Variants in STARD9 observed in about 807,000 individuals in gnomAD.
STARD9 encodes the protein StAR related lipid transfer domain containing 9.
Under a neutral mutation model 399.8 loss-of-function variants are expected in STARD9, and 346 were observed. The observed-to-expected ratio is 0.87, with a 90% confidence interval of 0.79 to 0.95. The LOEUF is 0.95. Among genes scored for constraint, STARD9 ranks in the 40% least tolerant of loss-of-function variants. The probability of loss-of-function intolerance (pLI) is 0.00; values close to 1 mark genes in which losing one functional copy is unlikely to be tolerated. For missense variants in STARD9, 5,832 were observed against 5,667.5 expected, an observed-to-expected ratio of 1.03 and a Z score of -0.93; for synonymous variants, 2,203 against 2,143.5, an observed-to-expected ratio of 1.03 and a Z score of -0.77.
chr15:42,671,176 A>G (rs1357836757), intron 16 of STARD9: 1 of 121,132 alleles, frequency 8.3e-6, no homozygotes, highest in African/African-American at 3.5e-5. Context: ...TGTGTCACCC[A>G]GGCTGGAGTG....
At chr15:42,575,964 C>T (rs980993614) in intron 1 of STARD9, among the ~76,000 whole-genome samples, 2 of 150,630 alleles carry the variant, frequency 1.3e-5, no homozygotes, top group Non-Finnish European at 2.9e-5. Flanking sequence ...TAGCGGTTCC[C>T]GGACGGCCGC....
intron 6 of STARD9, 107 bp from the exon 7 acceptor site, chr15:42,638,593 C>G (rs1048429161): frequency 2.9e-6 from 2 of 688,798 alleles, no homozygotes; most frequent in Non-Finnish European, 4.8e-6. Flanking sequence ...CTTAGAGTGT[C>G]AGAAGTGGAG....
Position 42,703,530 on chromosome 15 carries a change from AT to A in STARD9, c.13284+7666del, listed in dbSNP as rs35809542. On this transcript the variant is annotated intron_variant, in intron 26 of 32. Coordinates refer to ENST00000290607, the MANE Select transcript of STARD9 (RefSeq NM_020759.3). ...AGGCGCCAGCCACCATGCCTGGCTG[AT>A]TTTTTTTTTTTTTTTGTATTTTTAG... 7.2e-3 allele frequency among the ~76,000 whole-genome samples: 975 copies of A among 135,088 alleles called. 13 individuals are homozygous for A. The East Asian group carries it at 0.081, about 11-fold the overall frequency. 88.6% of individuals were successfully genotyped at this position (135,088 alleles called of 152,430 possible).
intron 3 of STARD9, among the ~76,000 whole-genome samples, chr15:42,608,397 A>G (rs2058780327): frequency 6.6e-6 from 1 of 152,134 alleles, no homozygotes; most frequent in East Asian, 1.9e-4. Flanking sequence ...TATGGGCTTC[A>G]CCTGGGCTGG....
intron 26 of STARD9, among the ~76,000 whole-genome samples, chr15:42,700,724 G>A (rs2060947609): frequency 6.6e-6 from 1 of 152,054 alleles, no homozygotes; most frequent in African/African-American, 2.4e-5. Flanking sequence ...ATTCTGTGGG[G>A]TGTCTCTTCA....
intron 26 of STARD9, among the ~76,000 whole-genome samples, chr15:42,712,846 T>G (rs2061274560): frequency 6.6e-6 from 1 of 152,178 alleles, no homozygotes; most frequent in African/African-American, 2.4e-5. Flanking sequence ...ACTGTCTTCT[T>G]TACTGTAGTT....
At chr15:42,643,515 A>G (rs2059582631) in intron 7 of STARD9, among the ~76,000 whole-genome samples, 1 of 151,852 alleles carries the variant, frequency 6.6e-6, no homozygotes, top group African/African-American at 2.4e-5. Flanking sequence ...TTTTAAAAAA[A>G]AACAGAGTCT....
At chr15:42,626,494 C>T (rs1310698409) in intron 3 of STARD9, among the ~76,000 whole-genome samples, 1 of 149,758 alleles carries the variant, frequency 6.7e-6, no homozygotes, top group Non-Finnish European at 1.5e-5. Context: ...TCCTCTTCCT[C>T]TTCTTTTTTT....
chr15:42,717,076 C>A, intron 28 of STARD9, 28 bp downstream of exon 28: 1 of 1,536,744 alleles, frequency 6.5e-7, no homozygotes, highest in Non-Finnish European at 8.7e-7. Flanking sequence ...CCCATCCCTA[C>A]CATTCCTTTA....
At chr15:42,638,346 G>C (rs1265999468) in intron 6 of STARD9, among the ~76,000 whole-genome samples, 1 of 152,108 alleles carries the variant, frequency 6.6e-6, no homozygotes, top group East Asian at 1.9e-4. Flanking sequence ...TAGCCCTTGA[G>C]ATGCCTTCAC....
chr15:42,593,643 T>C (rs1239724711), intron 3 of STARD9, among the ~76,000 whole-genome samples: 1 of 147,158 alleles, frequency 6.8e-6, no homozygotes, highest in Admixed American at 6.9e-5. Flanking sequence ...AGTAGTAATA[T>C]GGTTGTGCTT....
At chr15:42,614,694 C>T (rs1288011325) in intron 3 of STARD9, among the ~76,000 whole-genome samples, 6 of 152,128 alleles carry the variant, frequency 3.9e-5, no homozygotes, top group Non-Finnish European at 8.8e-5. Flanking sequence ...AGGCTGGGCA[C>T]GGTGGCTCAC....
intron 26 of STARD9, among the ~76,000 whole-genome samples, chr15:42,699,000 C>G (rs966752360): frequency 7.4e-6 from 1 of 135,922 alleles, no homozygotes; most frequent in African/African-American, 2.8e-5. Flanking sequence ...CTGAGTTTAC[C>G]AGAGTATTCT....
Position 42,691,222 on chromosome 15 carries a change from A to G in STARD9, c.9644A>G (p.His3215Arg), listed in dbSNP as rs1161323676. 6 of 1,537,144 alleles carry G rather than the reference A, an allele frequency of 3.9e-6. No individual in the cohort carries two copies. The highest frequency in any genetic ancestry group is 1.2e-5 in the South Asian group (1 of 84,058). Residue 3215 changes from histidine to arginine, a missense_variant, in exon 23 of 33, where the codon CAC (histidine) becomes CGC (arginine). His to Arg is a conservative substitution (Grantham distance 29, BLOSUM62 0). Around this residue, in one of 2 missense-constraint regions of STARD9, gnomAD observed 5,828 missense variants for 5,651.1 expected, o/e 1.03. Transcript: ENST00000290607. ...EDSPWQEEEQHRDQASGGGEG... is the reference protein window; with the variant it reads ...EDSPWQEEEQRRDQASGGGEG... ...AGTCCCTGGCAGGAAGAAGAGCAGC[A>G]CAGAGACCAGGCTTCAGGTGGTGGA... is the stretch of plus-strand genomic sequence containing the variant.
chr15:42,613,540 A>G (rs982999877), intron 3 of STARD9, among the ~76,000 whole-genome samples: 1 of 152,232 alleles, frequency 6.6e-6, no homozygotes, highest in Non-Finnish European at 1.5e-5. Flanking sequence ...TATCTATAAA[A>G]TGAGGATAAT....
intron 3 of STARD9, chr15:42,629,884 T>A (rs1202361851): frequency 2.0e-5 from 3 of 152,142 alleles, no homozygotes; most frequent in Non-Finnish European, 4.4e-5. Flanking sequence ...GATCATATGG[T>A]TTTTGTCCTT....
intron 3 of STARD9, among the ~76,000 whole-genome samples, chr15:42,628,285 T>C (rs1221790100): frequency 6.6e-6 from 1 of 152,228 alleles, no homozygotes; most frequent in East Asian, 1.9e-4. Context: ...AATTTTTAGA[T>C]TTTTTATTGA....
intron 26 of STARD9, among the ~76,000 whole-genome samples, chr15:42,705,022 C>T (rs920014128): frequency 5.5e-4 from 84 of 152,292 alleles, no homozygotes; most frequent in African/African-American, 2.0e-3. Context: ...GTGGGGAATT[C>T]CTTTCTGGTG....
chr15:42,682,218 T>C lies in STARD9; in HGVS notation c.2180T>C (p.Leu727Pro). ...LEASVALDAW[L>P]QTDPEIQPSP... ...GCATCTGTGGCACTTGATGCTTGGC[T>C]TCAGACAGATCCTGAGATTCAGCCA... The change falls in exon 22 of 33, where the codon CTT becomes CCT. Residue 727 changes from leucine to proline, a missense_variant. By Grantham distance (98) the Leu-to-Pro change is moderately conservative. Around this residue, in one of 2 missense-constraint regions of STARD9, gnomAD observed 5,828 missense variants for 5,651.1 expected, o/e 1.03. Coordinates refer to ENST00000290607, the MANE Select transcript of STARD9 (RefSeq NM_020759.3). The C allele has an allele frequency of 6.5e-7, 1 of 1,537,222 alleles. No homozygotes were observed.
Sources: allele counts gnomAD v4.1 joint callset (sites outside exome capture counted in the v4.1 genomes callset), GRCh38; gene constraint gnomAD v4.1.1; regional missense constraint gnomAD v4.1.1; transcripts MANE v1.5; gene names NCBI Gene and HGNC (gene_info 2026-07-23, HGNC 2026-07-21).